Variants in NLRP5 observed in about 807,000 individuals in gnomAD.
NLRP5 encodes the protein NACHT, LRR and PYD domains-containing protein 5.
In NLRP5, 93 loss-of-function variants were observed where a neutral mutation model predicts 113.1. That is an observed-to-expected ratio of 0.82 (90% CI 0.70 to 0.98). The LOEUF is 0.98. NLRP5 is among the 50% of genes least tolerant of loss of function. The probability of loss-of-function intolerance (pLI) is 0.00; values close to 1 mark genes in which losing one functional copy is unlikely to be tolerated. For synonymous variants in NLRP5, 751 were observed against 600.7 expected, an observed-to-expected ratio of 1.25 and a Z score of -3.66; for missense variants, 1,808 against 1,514.3, an observed-to-expected ratio of 1.19 and a Z score of -3.22.
Position 56,010,742 on chromosome 19 carries a change from C to CCAAAAAAAAAAAAAAAAAA in NLRP5, c.508+1889_508+1890insCAAAAAAAAAAAAAAAAAA, listed in dbSNP as rs1555764914. Among the ~76,000 whole-genome samples, 172 of 41,192 alleles carry CCAAAAAAAAAAAAAAAAAA rather than the reference C, an allele frequency of 4.2e-3. 12 individuals carry two copies. The highest frequency in any genetic ancestry group is 0.017 in the African/African-American group (164 of 9,526). 27.0% of individuals were successfully genotyped at this position (41,192 alleles called of 152,430 possible). On this transcript the variant is annotated intron_variant, in intron 3 of 14. Coordinates refer to ENST00000390649, the MANE Select transcript of NLRP5 (RefSeq NM_153447.4). Reference sequence around the variant, plus strand: ...GGGAAACAAGAGCTTAACTCTGTCTCAAAAAAAAAAAAAGTCCCTTGAAAC... The same window carrying CCAAAAAAAAAAAAAAAAAA: ...GGGAAACAAGAGCTTAACTCTGTCTCCAAAAAAAAAAAAAAAAAAAAAAAAAAAAAAAGTCCCTTGAAAC...
chr19:56,042,883 A>T (rs902891041), intron 11 of NLRP5, among the ~76,000 whole-genome samples: 2 of 152,188 alleles, frequency 1.3e-5, no homozygotes, highest in Non-Finnish European at 2.9e-5. Flanking sequence ...CTTCACTTAG[A>T]ATAATAGTCT....
At chr19:55,998,694 A>ATACG (rs1981445441), upstream of NLRP5, among the ~76,000 whole-genome samples, 1 of 58,078 alleles carries the variant, frequency 1.7e-5, no homozygotes, top group African/African-American at 7.6e-5. Context: ...ATATATATAT[A>ATACG]TATATATATG....
At chr19:56,036,523 C>G (rs980440982) in intron 9 of NLRP5, among the ~76,000 whole-genome samples, 3 of 152,192 alleles carry the variant, frequency 2.0e-5, no homozygotes, top group Non-Finnish European at 4.4e-5. Flanking sequence ...CAGAGATGTG[C>G]TGATGAACAA....
chr19:56,013,485 A>G (rs760086976), intron 3 of NLRP5, among the ~76,000 whole-genome samples: 26 of 150,684 alleles, frequency 1.7e-4, no homozygotes, highest in Non-Finnish European at 2.8e-4. Flanking sequence ...TGTTTTAAAG[A>G]TTTGTCAATA....
intron 4 of NLRP5, among the ~76,000 whole-genome samples, chr19:56,016,752 A>G (rs78993976): frequency 0.056 from 8,530 of 152,204 alleles, 277 homozygotes; most frequent in Middle Eastern, 0.082. Flanking sequence ...AGGTTCCTCA[A>G]TGTTGTAGCA....
chr19:56,059,228 C>G (rs1168703761), intron 14 of NLRP5, among the ~76,000 whole-genome samples: 2 of 152,210 alleles, frequency 1.3e-5, no homozygotes, highest in East Asian at 1.9e-4. Flanking sequence ...AGCTTCCCCT[C>G]TCATTCAGTC....
chr19:55,988,840 TGA>T, the NLRP5 span, among the ~76,000 whole-genome samples: 1 of 152,196 alleles, frequency 6.6e-6, no homozygotes, highest in Non-Finnish European at 1.5e-5. Context: ...TTGCCTAAGT[TGA>T]GAGTCTTTGT....
At chr19:55,988,248 A>C in the NLRP5 span, 1 of 166,550 alleles carries the variant, frequency 6.0e-6, no homozygotes, top group Non-Finnish European at 1.3e-5. Context: ...AAATACAAAA[A>C]ATTAGGCGTG....
At chr19:56,037,794 C>T (rs188488240) in intron 9 of NLRP5, among the ~76,000 whole-genome samples, 10 of 151,782 alleles carry the variant, frequency 6.6e-5, no homozygotes, top group Admixed American at 6.6e-5. Flanking sequence ...CTGGCTTACC[C>T]GAAAGGCGAC....
chr19:56,040,612 C>A (rs1324877594), intron 10 of NLRP5, among the ~76,000 whole-genome samples: 2 of 152,120 alleles, frequency 1.3e-5, no homozygotes, highest in Admixed American at 6.5e-5. Context: ...GGAAAAATTA[C>A]TCATTCCGGC....
Position 56,027,452 on chromosome 19 carries a change from G to A in NLRP5, c.1219G>A (p.Val407Ile), listed in dbSNP as rs200987887. The A allele has an allele frequency of 6.3e-5, 101 of 1,613,636 alleles. 3 individuals are homozygous for A. In the South Asian group the frequency reaches 7.4e-4, roughly 12 times the overall value. ...CCTGCTCCCTGAGTCCTTCCTGATC[G>A]TCACCGTCAGAGACGTGGGCACAGA... The change falls in exon 7 of 15, where the codon GTC becomes ATC. Residue 407 changes from valine (V) to isoleucine (I), a missense_variant. Val to Ile is a conservative substitution (Grantham distance 29, BLOSUM62 3). Coordinates refer to ENST00000390649, the MANE Select transcript of NLRP5 (RefSeq NM_153447.4).
At chr19:55,988,796 G>A in the NLRP5 span, among the ~76,000 whole-genome samples, 14,398 of 151,982 alleles carry the variant, frequency 0.095, 818 homozygotes, top group African/African-American at 0.15. Flanking sequence ...TCCGAAATTC[G>A]TTCTTTCTCA....
At chr19:56,042,185 A>C (rs1316518770) in intron 11 of NLRP5, among the ~76,000 whole-genome samples, 1 of 152,228 alleles carries the variant, frequency 6.6e-6, no homozygotes, top group Non-Finnish European at 1.5e-5. Context: ...ACATTATAGC[A>C]AGTAGGAAAA....
At position 56,031,758 on chromosome 19, in the gene NLRP5, C is replaced by T. The variant is rs192404073; in HGVS notation, c.2277-853C>T. Among the ~76,000 whole-genome samples, 247 of 152,264 alleles carry T rather than the reference C, an allele frequency of 1.6e-3. 2 individuals carry two copies. Among genetic ancestry groups the T allele is most frequent in the African/African-American group, 5.7e-3 (236 of 41,558 alleles). On this transcript the variant is annotated intron_variant, in intron 7 of 14. Coordinates refer to ENST00000390649, the MANE Select transcript of NLRP5 (RefSeq NM_153447.4). ...CTGTCAAAAACGGTAGAATGTCCTC[C>T]TCTAAGGACGAGTAATATTCCATTA... is the stretch of plus-strand genomic sequence containing the variant.
At chr19:55,999,868 C>A in intron 1 of NLRP5, 1 of 975,528 alleles carries the variant, frequency 1.0e-6, no homozygotes, top group South Asian at 1.3e-5. Context: ...ATCCCCTGCC[C>A]TCGCTGCTGT....
chr19:56,004,740 T>A (rs1981788781), intron 2 of NLRP5, among the ~76,000 whole-genome samples: 1 of 151,974 alleles, frequency 6.6e-6, no homozygotes, highest in Admixed American at 6.6e-5. Flanking sequence ...ATCTAGAGAA[T>A]CTCTCCAACT....
intron 13 of NLRP5, among the ~76,000 whole-genome samples, chr19:56,055,563 T>TTTTTTTTTTCC (rs71981818): frequency 8.6e-6 from 1 of 116,806 alleles, no homozygotes; most frequent in Non-Finnish European, 1.8e-5. Flanking sequence ...TTTTTTTTTT[T>TTTTTTTTTTCC]AAGATAGAGT....
chr19:56,017,437 C>T (rs1982451607), intron 4 of NLRP5, among the ~76,000 whole-genome samples: 1 of 152,096 alleles, frequency 6.6e-6, no homozygotes, highest in South Asian at 2.1e-4. Context: ...TTCCTTTATG[C>T]ACGGCTCTAC....
In NLRP5 at chr19:56,028,141, CTTG is replaced by C. The variant is rs1207126771; in HGVS notation, c.1911_1913del (p.Leu637del). 6.2e-7 allele frequency: 1 copy of C among 1,613,882 alleles called. No homozygotes were observed. The highest frequency in any genetic ancestry group is 8.5e-7 in the Non-Finnish European group (1 of 1,179,904). The stretch of plus-strand genomic sequence containing the variant: ...TCCACTCGCTTTGGATGAAGCGTTT[CTTG>C]TTTGGCCTCGTGAGCGAAGACGTAA... On this transcript the variant is annotated inframe_deletion, in exon 7 of 15. Transcript: ENST00000390649.
Sources: gnomAD v4.1 joint callset for allele counts (sites outside exome capture counted in the v4.1 genomes callset) on GRCh38, gnomAD v4.1.1 for gene constraint, MANE v1.5 for transcripts, NCBI Gene and HGNC (gene_info 2026-07-23, HGNC 2026-07-21) for gene names.